The following GALNTL6 variants were observed in gnomAD, a reference collection of about 807,000 sequenced individuals.
The protein encoded by GALNTL6 is polypeptide N-acetylgalactosaminyltransferase-like 6.
A neutral mutation model predicts 73.7 loss-of-function variants in GALNTL6; 46 were observed. The observed-to-expected ratio is 0.62, with a 90% confidence interval of 0.49 to 0.80. GALNTL6 has a LOEUF of 0.80. GALNTL6 is among the 30% of genes least tolerant of loss of function. The pLI, the probability that GALNTL6 is intolerant of heterozygous loss-of-function variation, is 0.00. For missense variants in GALNTL6, 604 were observed against 755.0 expected (o/e 0.80, Z 2.34); for synonymous variants, 259 against 263.7 (o/e 0.98, Z 0.17).
intron 5 of GALNTL6, among the ~76,000 whole-genome samples, chr4:172,596,689 A>T (rs1737868508): frequency 1.3e-5 from 2 of 152,256 alleles, no homozygotes; most frequent in South Asian, 4.1e-4. Context: ...ACTCTATAAA[A>T]CACTTCAATT....
At chr4:172,367,539 C>T (rs565394194) in intron 5 of GALNTL6, among the ~76,000 whole-genome samples, 90 of 152,164 alleles carry the variant, frequency 5.9e-4, no homozygotes, top group African/African-American at 1.8e-3. Context: ...TTTCTGCATA[C>T]AGTCTGTATT....
At chr4:171,915,537 A>G (rs1737592670) in intron 2 of GALNTL6, among the ~76,000 whole-genome samples, 1 of 151,994 alleles carries the variant, frequency 6.6e-6, no homozygotes, top group African/African-American at 2.4e-5. Context: ...ATCACAATGA[A>G]AACTGAATTA....
At position 172,806,438 on chromosome 4, in the gene GALNTL6, A is replaced by G. The variant is rs532236218; in HGVS notation, c.554-2923A>G. Among the ~76,000 whole-genome samples, 4 of 152,372 alleles carry G rather than the reference A, an allele frequency of 2.6e-5. No homozygotes were observed. In the East Asian group the frequency reaches 7.7e-4, roughly 29 times the overall value. On this transcript the variant is annotated intron_variant, in intron 5 of 12. Transcript: ENST00000506823. Reference sequence around the variant, plus strand: ...GTAGAGACAGCCCTCACTGAGTTCTAGAGAATTTCTTATAAACCAAAGAAT... The same window carrying G: ...GTAGAGACAGCCCTCACTGAGTTCTGGAGAATTTCTTATAAACCAAAGAAT...
chr4:172,348,375 T>C, intron 4 of GALNTL6, 148 bp from the exon 5 acceptor site: 1 of 557,316 alleles, frequency 1.8e-6, no homozygotes, highest in Non-Finnish European at 3.1e-6. Flanking sequence ...AGGAGCAGGA[T>C]AACAATCATG....
chr4:172,295,832 T>C (rs1285428540), intron 3 of GALNTL6, among the ~76,000 whole-genome samples: 2 of 152,052 alleles, frequency 1.3e-5, no homozygotes, highest in Admixed American at 1.3e-4. Flanking sequence ...AGTAACAACC[T>C]TGCCAAATTA....
intron 2 of GALNTL6, among the ~76,000 whole-genome samples, chr4:171,939,488 G>C (rs1738457135): frequency 6.6e-6 from 1 of 151,752 alleles, no homozygotes; most frequent in Non-Finnish European, 1.5e-5. Context: ...AAAATTGTTA[G>C]AGTGCTAGTA....
At chr4:172,693,089 T>C (rs754009206) in intron 5 of GALNTL6, among the ~76,000 whole-genome samples, 1 of 152,218 alleles carries the variant, frequency 6.6e-6, no homozygotes, top group Non-Finnish European at 1.5e-5. Context: ...GAAGAATTTA[T>C]TTTTAGATAA....
At chr4:172,200,408 C>T (rs754111366) in intron 2 of GALNTL6, among the ~76,000 whole-genome samples, 7 of 152,098 alleles carry the variant, frequency 4.6e-5, no homozygotes, top group Admixed American at 2.0e-4. Flanking sequence ...TTGTAAATCA[C>T]GAACGGTGCT....
chr4:171,975,024 A>T (rs1579022355), intron 2 of GALNTL6, among the ~76,000 whole-genome samples: 2 of 152,292 alleles, frequency 1.3e-5, no homozygotes, highest in Admixed American at 1.3e-4. Flanking sequence ...TCTAGAGGCC[A>T]GTTAACTTGT....
At chr4:171,872,663 G>A (rs1489785719) in intron 2 of GALNTL6, among the ~76,000 whole-genome samples, 1 of 152,098 alleles carries the variant, frequency 6.6e-6, no homozygotes, top group Non-Finnish European at 1.5e-5. Context: ...CTAGTTTTTG[G>A]TAGTTTCTTG....
chr4:171,895,440 A>G (rs138813703), intron 2 of GALNTL6, among the ~76,000 whole-genome samples: 10 of 152,290 alleles, frequency 6.6e-5, no homozygotes, highest in African/African-American at 1.7e-4. Flanking sequence ...CCCAAATTTA[A>G]TCTGCCTGCA....
intron 2 of GALNTL6, among the ~76,000 whole-genome samples, chr4:172,007,353 T>A (rs12507893): frequency 3.9e-5 from 6 of 152,074 alleles, no homozygotes; most frequent in East Asian, 1.9e-4. Flanking sequence ...GAACTATAGC[T>A]GACATATGGA....
chr4:172,104,047 C>T (rs1732603780), intron 2 of GALNTL6, among the ~76,000 whole-genome samples: 1 of 151,930 alleles, frequency 6.6e-6, no homozygotes, highest in East Asian at 1.9e-4. Context: ...GGGTTCACGC[C>T]ATTCTCCTGC....
intron 3 of GALNTL6, among the ~76,000 whole-genome samples, chr4:172,297,303 G>A (rs548795260): frequency 7.9e-5 from 12 of 152,216 alleles, no homozygotes; most frequent in Admixed American, 2.0e-4. Context: ...CATTCTGTAG[G>A]TTGCCTGTTC....
intron 9 of GALNTL6, among the ~76,000 whole-genome samples, chr4:172,939,922 C>T (rs186537692): frequency 1.3e-5 from 2 of 152,106 alleles, no homozygotes; most frequent in African/African-American, 2.4e-5. Context: ...ATTCCTAACC[C>T]GATGGCATCA....
chr4:171,882,175 T>C (rs138809049), intron 2 of GALNTL6, among the ~76,000 whole-genome samples: 2 of 152,322 alleles, frequency 1.3e-5, no homozygotes, highest in East Asian at 3.9e-4. Flanking sequence ...AGTAAATACA[T>C]TCAATGTTAT....
intron 10 of GALNTL6, among the ~76,000 whole-genome samples, chr4:172,956,509 A>G (rs554726412): frequency 1.3e-5 from 2 of 152,304 alleles, no homozygotes; most frequent in Admixed American, 1.3e-4. Context: ...GGATAGCACC[A>G]GGAGATATCA....
At chr4:172,392,201 C>T (rs1743687136) in intron 5 of GALNTL6, among the ~76,000 whole-genome samples, 1 of 152,066 alleles carries the variant, frequency 6.6e-6, no homozygotes, top group South Asian at 2.1e-4. Flanking sequence ...ATTGGTCAGG[C>T]TGGTCTCAAA....
At chr4:173,017,061 T>C (rs1424733809) in intron 11 of GALNTL6, among the ~76,000 whole-genome samples, 2 of 152,132 alleles carry the variant, frequency 1.3e-5, no homozygotes, top group African/African-American at 2.4e-5. Flanking sequence ...TGAAGGAGGA[T>C]GTGTTTGCTT....
Sources: gnomAD v4.1 joint callset for allele counts (sites outside exome capture counted in the v4.1 genomes callset) on GRCh38, gnomAD v4.1.1 for gene constraint, MANE v1.5 for transcripts, NCBI Gene and HGNC (gene_info 2026-07-23, HGNC 2026-07-21) for gene names.